Variants in BRDT observed in about 807,000 individuals in gnomAD.
BRDT encodes the protein bromodomain testis associated.
A neutral mutation model predicts 113.9 loss-of-function variants in BRDT; 77 were observed. That is an observed-to-expected ratio of 0.68 (90% confidence interval 0.56 to 0.82). The LOEUF (loss-of-function observed/expected upper bound fraction) is 0.82. Among genes scored for constraint, BRDT ranks in the 40% least tolerant of loss-of-function variants. The pLI, the probability that BRDT is intolerant of heterozygous loss-of-function variation, is 0.00. For synonymous variants in BRDT, 358 were observed against 366.5 expected (o/e 0.98, Z 0.26); for missense variants, 1,027 against 1,105.4 (o/e 0.93, Z 1.01).
Position 91,954,261 on chromosome 1 carries a change from G to A in BRDT, c.-38+4579G>A, listed in dbSNP as rs957559034. On this transcript the variant is annotated intron_variant, in intron 1 of 18. Transcript: ENST00000399546. ...TGCTGAGATTTTAGGTGCGAGCCAC[G>A]GTGCTCGGCATTTTTTTTTTTTTTT... 3.4e-5 allele frequency among the ~76,000 whole-genome samples: 5 copies of A among 146,420 alleles called. No homozygotes were observed. The South Asian group carries it at 6.4e-4, about 19-fold the overall frequency.
intron 1 of BRDT, among the ~76,000 whole-genome samples, chr1:91,960,412 G>A (rs771617174): frequency 6.6e-6 from 1 of 152,166 alleles, no homozygotes; most frequent in Non-Finnish European, 1.5e-5. Flanking sequence ...AATCTTGAGG[G>A]CTTTGTATTA....
At chr1:91,994,867 C>CAAAAAAA (rs11330809) in intron 15 of BRDT, among the ~76,000 whole-genome samples, 56 of 65,480 alleles carry the variant, frequency 8.6e-4, no homozygotes, top group East Asian at 1.7e-3. Context: ...GACTCCGTCT[C>CAAAAAAA]AAAAAAAAAA....
At chr1:91,998,809 G>A (rs1686584066) in intron 15 of BRDT, among the ~76,000 whole-genome samples, 1 of 152,156 alleles carries the variant, frequency 6.6e-6, no homozygotes, top group South Asian at 2.1e-4. Context: ...GTATGGAAAG[G>A]CATTTGGATG....
In BRDT at chr1:92,005,253, G is replaced by A. The variant is rs1475548899; in HGVS notation, c.2729G>A (p.Arg910His). 38 of 1,583,806 alleles carry A rather than the reference G, an allele frequency of 2.4e-5. No individual in the cohort carries two copies. The highest frequency in any genetic ancestry group is 2.9e-5 in the Non-Finnish European group (34 of 1,168,680). Reference protein sequence around the residue: ...DKSKLWLLKDRDLARQKEQER... With the variant: ...DKSKLWLLKDHDLARQKEQER... ...TCCAAACTCTGGCTTCTCAAAGACC[G>A]TGATTTAGCAAGGCAGAAAGAACAA... Residue 910 changes from arginine (R) to histidine (H), a missense_variant, in exon 18 of 19, where the codon CGT becomes CAT. Physicochemically the swap from Arg to His is conservative, Grantham distance 29. Coordinates refer to ENST00000399546, the MANE Select transcript of BRDT (RefSeq NM_207189.4).
intron 1 of BRDT, among the ~76,000 whole-genome samples, chr1:91,953,978 GT>G (rs1315191947): frequency 3.4e-5 from 5 of 148,522 alleles, no homozygotes; most frequent in Non-Finnish European, 7.5e-5. Flanking sequence ...TGTTTGTTTT[GT>G]TTTGTTTTTT....
At chr1:91,962,118 C>T (rs1170064792) in intron 1 of BRDT, among the ~76,000 whole-genome samples, 2 of 102,698 alleles carry the variant, frequency 1.9e-5, no homozygotes, top group Admixed American at 1.6e-4. Context: ...GCACTCCAGC[C>T]TGGGTGACAG....
At chr1:91,978,997 CAAAA>C (rs774952902) in intron 7 of BRDT, among the ~76,000 whole-genome samples, 1 of 77,144 alleles carries the variant, frequency 1.3e-5, no homozygotes, top group African/African-American at 4.3e-5. Flanking sequence ...GACTACGTCT[CAAAA>C]AAAAAAAAAA....
At chr1:91,997,456 A>G (rs1163949274) in intron 15 of BRDT, among the ~76,000 whole-genome samples, 3 of 152,228 alleles carry the variant, frequency 2.0e-5, no homozygotes, top group African/African-American at 7.2e-5. Context: ...AAGGCTCATT[A>G]TAAAGAGCTA....
Position 91,977,256 on chromosome 1 carries a change from G to A in BRDT, c.832G>A (p.Glu278Lys). Residue 278 changes from glutamate to lysine, a missense_variant, in exon 6 of 19, where the codon GAG becomes AAG. Glu to Lys is a moderately conservative substitution (Grantham distance 56). Coordinates refer to ENST00000399546, the MANE Select transcript of BRDT (RefSeq NM_207189.4). ...KVTEQLRHCS[E>K]ILKEMLAKKH... is the part of the protein sequence containing the mutation. ...AACTGAACAATTAAGGCACTGTAGTGAGATTCTTAAAGAAATGCTTGCAAA... is the reference window on the plus strand; with the variant it reads ...AACTGAACAATTAAGGCACTGTAGTAAGATTCTTAAAGAAATGCTTGCAAA... The A allele has an allele frequency of 6.2e-6, 10 of 1,614,068 alleles. No individual in the cohort carries two copies. Among genetic ancestry groups the A allele is most frequent in the Non-Finnish European group, 8.5e-6 (10 of 1,179,992 alleles).
intron 1 of BRDT, among the ~76,000 whole-genome samples, chr1:91,959,682 CTTG>C (rs1203176413): frequency 2.6e-5 from 4 of 151,996 alleles, no homozygotes; most frequent in Non-Finnish European, 5.9e-5. Flanking sequence ...GGGGTTTCAT[CTTG>C]TTGTCCAGTC....
chr1:92,007,699 T>G (rs1337888285), intron 18 of BRDT, among the ~76,000 whole-genome samples: 2 of 152,230 alleles, frequency 1.3e-5, no homozygotes, highest in Admixed American at 1.3e-4. Flanking sequence ...AATCGCAGTC[T>G]GCTTTCAATT....
In BRDT at chr1:91,977,373, A is replaced by T. The variant is rs1005669826; in HGVS notation, c.949A>T (p.Met317Leu). 1 of 1,590,812 alleles carries T rather than the reference A, an allele frequency of 6.3e-7. No homozygotes were observed. ...HNYYDVVKNP[M>L]DLGTIKEKMD... ...CTACTATGACGTTGTCAAAAATCCG[A>T]TGGATCTTGGAACTATTAAGGTAAA... The change falls in exon 6 of 19, where the codon ATG (methionine) becomes TTG (leucine). Residue 317 changes from methionine to leucine, a missense_variant. Physicochemically the swap from Met to Leu is conservative, Grantham distance 15. Coordinates refer to ENST00000399546, the MANE Select transcript of BRDT (RefSeq NM_207189.4).
At chr1:91,956,689 C>T (rs12032808) in intron 1 of BRDT, among the ~76,000 whole-genome samples, 123,431 of 152,100 alleles carry the variant, frequency 0.81, 50,774 homozygotes, top group East Asian at 1. Context: ...TAATCCCCAG[C>T]GCTTTTGGGA....
intron 1 of BRDT, among the ~76,000 whole-genome samples, chr1:91,961,573 G>A (rs1682446215): frequency 6.6e-6 from 1 of 152,036 alleles, no homozygotes; most frequent in Non-Finnish European, 1.5e-5. Flanking sequence ...ACATTACAGT[G>A]GGCCGAGATC....
chr1:91,954,048 T>C (rs1217271036), intron 1 of BRDT, among the ~76,000 whole-genome samples: 2 of 152,108 alleles, frequency 1.3e-5, no homozygotes, highest in Non-Finnish European at 2.9e-5. Context: ...CTCAGCTCAC[T>C]GCAACCTCCC....
At chr1:91,964,063 T>C (rs1386157792) in intron 2 of BRDT, among the ~76,000 whole-genome samples, 1 of 151,854 alleles carries the variant, frequency 6.6e-6, no homozygotes, top group African/African-American at 2.4e-5. Context: ...TTTTTGTTGT[T>C]GTTGTTGTGT....
In BRDT at chr1:91,980,702, TAAAAAG is replaced by T. The variant is rs1397177065; in HGVS notation, c.1351_1356del (p.Lys451_Lys452del). The T allele has an allele frequency of 5.6e-6, 9 of 1,602,252 alleles. No individual in the cohort carries two copies. The Admixed American group carries it at 1.4e-4, about 25-fold the overall frequency. On this transcript the variant is annotated inframe_deletion, in exon 9 of 19. Coordinates refer to ENST00000399546, the MANE Select transcript of BRDT (RefSeq NM_207189.4). ...CCCAAGTACCTTTCCGTAAGCTAAA[TAAAAAG>T]AAAGAGAAGTCTAAAAAGGAAAAGA...
At chr1:91,971,686 T>C (rs1683638074) in intron 4 of BRDT, among the ~76,000 whole-genome samples, 1 of 152,310 alleles carries the variant, frequency 6.6e-6, no homozygotes, top group Admixed American at 6.5e-5. Flanking sequence ...AATATTCTAG[T>C]AGTAAGTGAG....
intron 5 of BRDT, among the ~76,000 whole-genome samples, 172 bp from the exon 6 acceptor site, chr1:91,976,871 G>A (rs552027916): frequency 1.3e-5 from 2 of 152,226 alleles, no homozygotes; most frequent in South Asian, 4.2e-4. Flanking sequence ...GCCTACAAAA[G>A]GAAATTAACC....
Sources: gnomAD v4.1 joint callset for allele counts (sites outside exome capture counted in the v4.1 genomes callset) on GRCh38, gnomAD v4.1.1 for gene constraint, MANE v1.5 for transcripts, NCBI Gene and HGNC (gene_info 2026-07-23, HGNC 2026-07-21) for gene names.